Variants in PTPRD observed in about 807,000 individuals in gnomAD.
PTPRD encodes the protein receptor-type tyrosine-protein phosphatase delta.
A neutral mutation model predicts 214.5 loss-of-function variants in PTPRD; 34 were observed. The observed-to-expected ratio is 0.16, with a 90% CI of 0.12 to 0.21. The LOEUF (loss-of-function observed/expected upper bound fraction) is 0.21, where lower values mean the gene tolerates loss of function less well. Ranked by LOEUF, PTPRD falls within the 10% of genes least tolerant of loss-of-function variation. PTPRD has a pLI of 1.00. For synonymous variants in PTPRD, 1,128 were observed against 845.7 expected (o/e 1.33, Z -5.79); for missense variants, 2,545 against 2,398.7 (o/e 1.06, Z -1.27).
intron 11 of PTPRD, among the ~76,000 whole-genome samples, chr9:8,749,855 A>G (rs1212026468): frequency 6.6e-6 from 1 of 152,082 alleles, no homozygotes; most frequent in African/African-American, 2.4e-5. Flanking sequence ...TAATCACAAC[A>G]CTTTGGGAGG....
At chr9:9,362,593 T>G (rs1259623256) in intron 9 of PTPRD, among the ~76,000 whole-genome samples, 1 of 151,122 alleles carries the variant, frequency 6.6e-6, no homozygotes, top group Non-Finnish European at 1.5e-5. Flanking sequence ...CCCAGATGAA[T>G]AAAAAAGGGC....
intron 7 of PTPRD, among the ~76,000 whole-genome samples, chr9:9,593,785 G>A (rs930786423): frequency 4.8e-4 from 73 of 152,034 alleles, no homozygotes; most frequent in Non-Finnish European, 8.5e-4. Context: ...ATTGGAGTAA[G>A]AATTTCCATT....
chr9:9,672,893 G>A (rs1246193135), intron 7 of PTPRD, among the ~76,000 whole-genome samples: 1 of 152,096 alleles, frequency 6.6e-6, no homozygotes, highest in Admixed American at 6.6e-5. Flanking sequence ...TAAAATGCAT[G>A]CATTAATGCA....
At chr9:9,392,255 T>G (rs906305527) in intron 9 of PTPRD, among the ~76,000 whole-genome samples, 1 of 152,140 alleles carries the variant, frequency 6.6e-6, no homozygotes, top group Non-Finnish European at 1.5e-5. Context: ...GATGTTTGTT[T>G]TGTAGTTAAG....
chr9:8,783,982 C>G (rs1025514439), intron 11 of PTPRD, among the ~76,000 whole-genome samples: 1 of 152,126 alleles, frequency 6.6e-6, no homozygotes, highest in Non-Finnish European at 1.5e-5. Context: ...AAGGGTTGTG[C>G]GCCTGACCTC....
At chr9:9,969,805 T>TA (rs1287935545) in intron 4 of PTPRD, among the ~76,000 whole-genome samples, 3 of 152,198 alleles carry the variant, frequency 2.0e-5, no homozygotes, top group African/African-American at 7.2e-5. Flanking sequence ...TTCAAACTTT[T>TA]AAAAAATTAA....
intron 2 of PTPRD, among the ~76,000 whole-genome samples, chr9:10,456,348 G>A (rs1037454536): frequency 2.6e-5 from 4 of 151,824 alleles, no homozygotes; most frequent in Admixed American, 6.6e-5. Context: ...TCTGCATAAC[G>A]TGTATTGCAC....
At chr9:9,864,295 G>A (rs2063453842) in intron 5 of PTPRD, among the ~76,000 whole-genome samples, 1 of 151,136 alleles carries the variant, frequency 6.6e-6, no homozygotes, top group Non-Finnish European at 1.5e-5. Context: ...AACAGAGTGA[G>A]ACTCAGTCTT....
intron 11 of PTPRD, among the ~76,000 whole-genome samples, chr9:8,895,932 GC>G (rs1368190032): frequency 3.3e-5 from 5 of 152,336 alleles, no homozygotes; most frequent in Non-Finnish European, 5.9e-5. Flanking sequence ...ACTCCTAGGA[GC>G]CTGTTAATAT....
intron 4 of PTPRD, among the ~76,000 whole-genome samples, chr9:9,969,016 G>C (rs1303228276): frequency 6.6e-6 from 1 of 152,154 alleles, no homozygotes; most frequent in Admixed American, 6.5e-5. Flanking sequence ...TTTAGTAGGA[G>C]AGAGTCCATA....
chr9:9,188,639 G>A (rs966526603), intron 9 of PTPRD, among the ~76,000 whole-genome samples: 4 of 152,036 alleles, frequency 2.6e-5, no homozygotes, highest in African/African-American at 9.7e-5. Context: ...ACTGGTAGAA[G>A]AATGATGGTT....
intron 8 of PTPRD, among the ~76,000 whole-genome samples, chr9:9,505,415 A>G (rs545942200): frequency 5.1e-4 from 78 of 151,614 alleles, no homozygotes; most frequent in African/African-American, 1.6e-3. Context: ...TCAATATAGG[A>G]TGTAAATATT....
chr9:10,166,273 G>A (rs1344424640), intron 3 of PTPRD, among the ~76,000 whole-genome samples: 1 of 147,650 alleles, frequency 6.8e-6, no homozygotes, highest in Non-Finnish European at 1.5e-5. Context: ...CACTCACACT[G>A]TGAGAAAAAA....
rs533242905 is a variant in PTPRD, at chr9:9,811,135, G to A, written c.-367-44284C>T. On this transcript the variant is annotated intron_variant, in intron 5 of 45. Coordinates refer to ENST00000381196, the MANE Select transcript of PTPRD (RefSeq NM_002839.4). ...CACCTATAATTCCAGCTACTCAGGA[G>A]GCTGAGGCAAGAGAGCCGAGATTGT... 2.6e-5 allele frequency among the ~76,000 whole-genome samples: 4 copies of A among 152,176 alleles called. No individual in the cohort carries two copies. The South Asian group carries it at 8.3e-4, about 32-fold the overall frequency.
chr9:10,508,399 G>A (rs2133623854), intron 2 of PTPRD, among the ~76,000 whole-genome samples: 1 of 152,234 alleles, frequency 6.6e-6, no homozygotes, highest in East Asian at 1.9e-4. Flanking sequence ...GATTCCTCAG[G>A]GATCTAGAAC....
chr9:9,903,748 A>G (rs1040582960), intron 5 of PTPRD, among the ~76,000 whole-genome samples: 1 of 152,048 alleles, frequency 6.6e-6, no homozygotes, highest in African/African-American at 2.4e-5. Context: ...AGGAAATTCT[A>G]AAGTACTTGA....
Position 10,191,359 on chromosome 9 carries a change from T to G in PTPRD, c.-545+149604A>C, listed in dbSNP as rs114831086. ...TAAAACTAATACAAATGACAGACAT[T>G]GCTTTAAGTATTAATTACTGCTACA... On this transcript the variant is annotated intron_variant, in intron 3 of 45. Transcript: ENST00000381196. Among the ~76,000 whole-genome samples, 1,026 of 152,230 alleles carry G rather than the reference T, an allele frequency of 6.7e-3. 11 individuals are homozygous for G. Among genetic ancestry groups the G allele is most frequent in the African/African-American group, 0.024 (981 of 41,552 alleles).
At chr9:9,891,458 T>C (rs2073297879) in intron 5 of PTPRD, among the ~76,000 whole-genome samples, 1 of 151,970 alleles carries the variant, frequency 6.6e-6, no homozygotes, top group Admixed American at 6.6e-5. Context: ...AAGCCATTAC[T>C]AACATATAGA....
chr9:9,706,927 T>G (rs1207771795), intron 7 of PTPRD, among the ~76,000 whole-genome samples: 1 of 152,128 alleles, frequency 6.6e-6, no homozygotes, highest in Non-Finnish European at 1.5e-5. Flanking sequence ...CTGAAAAATC[T>G]TGCATCCAAA....
Sources: allele counts gnomAD v4.1 joint callset (sites outside exome capture counted in the v4.1 genomes callset), GRCh38; gene constraint gnomAD v4.1.1; transcripts MANE v1.5; gene names NCBI Gene and HGNC (gene_info 2026-07-23, HGNC 2026-07-21).